NKAIN4: variants seen among roughly 807,000 people sequenced by gnomAD.
The protein encoded by NKAIN4 is sodium/potassium-transporting ATPase subunit beta-1-interacting protein 4.
Under a neutral mutation model 28.8 loss-of-function variants are expected in NKAIN4, and 28 were observed. The ratio of observed to expected loss-of-function variants is 0.97; its 90% CI spans 0.72 to 1.33. The LOEUF is 1.33. Ranked by LOEUF, NKAIN4 falls within the 40% of genes most tolerant of loss-of-function variation. NKAIN4 has a pLI of 0.00. For synonymous variants in NKAIN4, 122 were observed against 115.6 expected (o/e 1.06, Z -0.36); for missense variants, 289 against 277.2 (o/e 1.04, Z -0.30).
chr20:63,241,561 G>T, intron 6 of NKAIN4, 55 bp from the exon 7 acceptor site: 2 of 1,503,482 alleles, frequency 1.3e-6, no homozygotes, highest in Non-Finnish European at 1.8e-6. Context: ...GCAGCCACTG[G>T]GGGCTGCCAC....
rs896243759 is a variant in NKAIN4, at chr20:63,252,353, C to G, written c.54+2044G>C. Among the ~76,000 whole-genome samples the G allele has an allele frequency of 1.3e-5, 2 of 152,064 alleles. No individual in the cohort carries two copies. The highest frequency in any genetic ancestry group is 1.5e-5 in the Non-Finnish European group (1 of 68,016). ...CCTGGGAATTGGACGCAGCACAGCCCGGCTCAGAGCCAGCAAAGTTCACAC... is the reference window on the plus strand; with the variant it reads ...CCTGGGAATTGGACGCAGCACAGCCGGGCTCAGAGCCAGCAAAGTTCACAC... On this transcript the variant is annotated intron_variant, in intron 1 of 6. Transcript: ENST00000370316. This position sits in a 1 kb window ranked among gnomAD's most constrained non-coding sequence, Gnocchi z 4.6.
At position 63,247,831 on chromosome 20, in the gene NKAIN4, C is replaced by T. The variant is rs1203533892; in HGVS notation, c.274-56G>A. ...TAGCACCAGGAGGTGGGCGGCCTCA[C>T]CCACTGCAGCCTGCGGGGACGCCAC... On this transcript the variant is annotated intron_variant, in intron 3 of 6. Transcript: ENST00000370316. 20 of 1,413,266 alleles carry T rather than the reference C, an allele frequency of 1.4e-5. No individual in the cohort carries two copies. The Admixed American group carries it at 5.3e-4, about 37-fold the overall frequency. The allele number at this position is 1,413,266 out of a possible 1,614,324, so 87.5% of individuals were successfully genotyped here. A position where few individuals can be genotyped will look rare whatever the true frequency, so the allele number is the denominator to read the frequency against.
chr20:63,244,042 T>G lies in NKAIN4; in HGVS notation c.514A>C (p.Thr172Pro). ...TACTCACAGCTGTCCTCTTCCTCCGTAAACACGCTGACCACCTGGCAGCCA... is the reference window on the plus strand; with the variant it reads ...TACTCACAGCTGTCCTCTTCCTCCGGAAACACGCTGACCACCTGGCAGCCA... ...VCGCQVVSVF[T>P]EEEDSFDFIG... The change falls in exon 5 of 7, where the codon ACG becomes CCG. Residue 172 changes from threonine (T) to proline (P), a missense_variant. Thr to Pro is a conservative substitution (Grantham distance 38, BLOSUM62 -1). Transcript: ENST00000370316. 6.2e-7 allele frequency: 1 copy of G among 1,613,768 alleles called. No individual in the cohort carries two copies. Among genetic ancestry groups the G allele is most frequent in the Non-Finnish European group, 8.5e-7 (1 of 1,179,856 alleles).
rs554732868 is a variant in NKAIN4 at position 63,254,279 on chromosome 20, G to A, written c.54+118C>T. On this transcript the variant is annotated intron_variant, in intron 1 of 6. Coordinates refer to ENST00000370316, the MANE Select transcript of NKAIN4 (RefSeq NM_152864.4). ...CCGGGGTCCGAGGCATCCCCCCTCG[G>A]AGCTGGCGCGGGACCCAGCGAACGG... 8 of 811,442 alleles carry A rather than the reference G, an allele frequency of 9.9e-6. No homozygotes were observed. The African/African-American group carries it at 1.4e-4, about 15-fold the overall frequency. 50.3% of individuals were successfully genotyped at this position (811,442 alleles called of 1,614,324 possible).
rs190657134 is a variant in NKAIN4 at position 63,249,321 on chromosome 20, C to T, written c.193-426G>A. On this transcript the variant is annotated intron_variant, in intron 2 of 6. Coordinates refer to ENST00000370316, the MANE Select transcript of NKAIN4 (RefSeq NM_152864.4). ...AGCTGCTTTTGTAAATAAAGTTTTG[C>T]GGACACAGCCACACCCATTTGTGCA... 5.4e-3 allele frequency: 1,208 copies of T among 224,272 alleles called. 5 individuals carry two copies. Among genetic ancestry groups the T allele is most frequent in the Middle Eastern group, 0.022 (12 of 558 alleles). 13.9% of individuals were successfully genotyped at this position (224,272 alleles called of 1,614,324 possible).
intron 1 of NKAIN4, chr20:63,253,134 GC>G (rs1242216644): frequency 1.5e-5 from 13 of 882,970 alleles, no homozygotes; most frequent in Non-Finnish European, 1.8e-5. Flanking sequence ...GTCTTCGAGT[GC>G]CCACCCTTGC....
In NKAIN4 at chr20:63,253,614, T is replaced by C. The variant is rs1014233791; in HGVS notation, c.54+783A>G. The C allele has an allele frequency of 4.1e-5, 29 of 711,120 alleles. 1 individual carries two copies. In the African/African-American group the frequency reaches 4.4e-4, roughly 11 times the overall value. 44.1% of individuals were successfully genotyped at this position (711,120 alleles called of 1,614,324 possible). A position where few individuals can be genotyped will look rare whatever the true frequency, so the allele number is the denominator to read the frequency against. ...TCGAAGCAAAGCAGCTTCCCCAGCC[T>C]GGACAGGCGAGGCCTTTGTTTAGCC... On this transcript the variant is annotated intron_variant, in intron 1 of 6. Transcript: ENST00000370316.
At chr20:63,250,184 C>G (rs895408964) in intron 1 of NKAIN4, 112 bp from the exon 2 acceptor site, 5 of 1,241,584 alleles carry the variant, frequency 4.0e-6, no homozygotes, top group Non-Finnish European at 5.5e-6. Flanking sequence ...TCCCCACACC[C>G]GCCCACCACA....
At chr20:63,246,499 G>A (rs1465906987) in intron 4 of NKAIN4, 2 of 985,118 alleles carry the variant, frequency 2.0e-6, no homozygotes, top group African/African-American at 3.5e-5. Flanking sequence ...CCAGGAAGGA[G>A]CCCCGGGAGC....
At chr20:63,253,616 G>T (rs1437893274) in intron 1 of NKAIN4, 2 of 686,366 alleles carry the variant, frequency 2.9e-6, no homozygotes, top group East Asian at 1.3e-4. Flanking sequence ...CCCCAGCCTG[G>T]ACAGGCGAGG....
intron 2 of NKAIN4, 32 bp downstream of exon 2, chr20:63,249,903 T>C (rs759615685): frequency 6.3e-7 from 1 of 1,592,244 alleles, no homozygotes; most frequent in South Asian, 1.1e-5. Context: ...TCAACCCACC[T>C]GCCCATAAAG....
At position 63,250,069 on chromosome 20, in the gene NKAIN4, C is replaced by A. The variant is rs370501778; in HGVS notation, c.58G>T (p.Ala20Ser). Reference sequence around the variant, plus strand: ...TCAAACACCTGCCTCTCCAGGGCGGCGACCTAGGAGCAGGGCGGGCGCCAT... The same window carrying A: ...TCAAACACCTGCCTCTCCAGGGCGGAGACCTAGGAGCAGGGCGGGCGCCAT... ...LVVLCAFQLVAALERQVFDFL... is the reference protein window; with the variant it reads ...LVVLCAFQLVSALERQVFDFL... The change falls in exon 2 of 7, where the codon GCC (alanine) becomes TCC (serine). Residue 20 changes from alanine to serine, a missense_variant. Transcript: ENST00000370316. 1.3e-6 allele frequency: 2 copies of A among 1,571,040 alleles called. No individual in the cohort carries two copies. The highest frequency in any genetic ancestry group is 2.4e-5 in the East Asian group (1 of 41,794).
chr20:63,247,925 G>A, intron 3 of NKAIN4, 150 bp from the exon 4 acceptor site: 2 of 1,197,974 alleles, frequency 1.7e-6, no homozygotes, highest in Non-Finnish European at 2.2e-6. Flanking sequence ...CGCCCCCAGG[G>A]CTCCAGCCAT....
chr20:63,253,124 G>T, intron 1 of NKAIN4: 1 of 799,434 alleles, frequency 1.3e-6, no homozygotes, highest in Non-Finnish European at 1.5e-6. Context: ...GGGCACTGGA[G>T]TCTTCGAGTG....
intron 5 of NKAIN4, among the ~76,000 whole-genome samples, chr20:63,243,684 G>T (rs2066803368): frequency 6.6e-6 from 1 of 152,188 alleles, no homozygotes; most frequent in African/African-American, 2.4e-5. Context: ...GTTCCGATCT[G>T]CCTGGAGGCT....
intron 1 of NKAIN4, chr20:63,254,194 G>C (rs1027319481): frequency 2.3e-6 from 1 of 444,160 alleles, no homozygotes; most frequent in African/African-American, 2.1e-5. Context: ...CACCGGGGAC[G>C]GGACCCGGCG....
At position 63,242,589 on chromosome 20, in the gene NKAIN4, G is replaced by C. The variant is rs2066775896; in HGVS notation, c.567C>G (p.Leu189=). ...DFIGGFDPFP[L]YHVNEKPSSL... ...TGGATGGCTTTTCATTGACATGGTA[G>C]AGAGGAAATGGATCAAATCCACCAA... is the stretch of plus-strand genomic sequence containing the variant. The change falls in exon 6 of 7, where the codon CTC becomes CTG. Residue 189 remains leucine, a synonymous_variant. Transcript: ENST00000370316. 1 of 1,613,448 alleles carries C rather than the reference G, an allele frequency of 6.2e-7. No individual in the cohort carries two copies. Among genetic ancestry groups the C allele is most frequent in the Non-Finnish European group, 8.5e-7 (1 of 1,179,556 alleles).
chr20:63,254,227 G>T (rs2123145593), intron 1 of NKAIN4, 170 bp downstream of exon 1: 2 of 520,122 alleles, frequency 3.8e-6, no homozygotes, highest in Non-Finnish European at 6.1e-6. Flanking sequence ...ACGCCCCGCA[G>T]GCGACGCCAC....
Position 63,247,572 on chromosome 20 carries a change from G to A in NKAIN4, c.471+6C>T, listed in dbSNP as rs367977622. ...CCCACCCGGGGGCCCCCTTCCCCAC[G>A]CTCACCGCGATCAGGATCTGCAGGC... On this transcript the variant is annotated splice_donor_region_variant and intron_variant, in intron 4 of 6. Transcript: ENST00000370316. 1.7e-5 allele frequency: 26 copies of A among 1,545,466 alleles called. No individual in the cohort carries two copies. Among genetic ancestry groups the A allele is most frequent in the South Asian group, 1.2e-4 (10 of 83,106 alleles).
Sources: allele counts gnomAD v4.1 joint callset (sites outside exome capture counted in the v4.1 genomes callset), GRCh38; gene constraint gnomAD v4.1.1; non-coding constraint Gnocchi (gnomAD v3.1); transcripts MANE v1.5; gene names NCBI Gene and HGNC (gene_info 2026-07-23, HGNC 2026-07-21).